Variants in ROR2 observed in about 807,000 individuals in gnomAD.
ROR2 encodes tyrosine-protein kinase transmembrane receptor ROR2.
In ROR2, 33 loss-of-function variants were observed where a neutral mutation model predicts 74.9. The observed-to-expected ratio is 0.44, with a 90% CI of 0.33 to 0.59. The LOEUF is 0.59. ROR2 is among the 20% of genes least tolerant of loss of function. ROR2 has a pLI of 0.02. For synonymous variants in ROR2, 586 were observed against 558.7 expected, an observed-to-expected ratio of 1.05 and a Z score of -0.69; for missense variants, 1,216 against 1,313.8, an observed-to-expected ratio of 0.93 and a Z score of 1.15.
intron 7 of ROR2, among the ~76,000 whole-genome samples, chr9:91,728,382 T>A (rs983255435): frequency 7.2e-5 from 11 of 152,150 alleles, no homozygotes; most frequent in Non-Finnish European, 1.3e-4. Context: ...TTTTCTTAAT[T>A]CGAATGTTGA....
intron 1 of ROR2, among the ~76,000 whole-genome samples, chr9:91,802,872 T>C (rs556836301): frequency 6.6e-6 from 1 of 152,028 alleles, no homozygotes; most frequent in East Asian, 1.9e-4. Context: ...AACCACAAAA[T>C]GGGCAACAAA....
intron 1 of ROR2, among the ~76,000 whole-genome samples, chr9:91,785,400 T>G (rs1826764587): frequency 1.3e-5 from 2 of 152,246 alleles, no homozygotes; most frequent in Non-Finnish European, 2.9e-5. Context: ...GCTGTATTTC[T>G]TTCCAGAGCA....
At chr9:91,821,443 G>A (rs1230999516) in intron 1 of ROR2, among the ~76,000 whole-genome samples, 2 of 151,992 alleles carry the variant, frequency 1.3e-5, no homozygotes, top group African/African-American at 2.4e-5. Context: ...ACCCTTCCTG[G>A]TGGTCTCCTT....
chr9:91,887,316 C>T (rs1830310305), intron 1 of ROR2: 1 of 152,226 alleles, frequency 6.6e-6, no homozygotes, highest in Non-Finnish European at 1.5e-5. Context: ...TCGAGCCCCC[C>T]TCCAATGGCA....
chr9:91,736,903 C>T (rs1825047701), intron 5 of ROR2, among the ~76,000 whole-genome samples: 1 of 152,178 alleles, frequency 6.6e-6, no homozygotes. Context: ...ACTGCAGCAT[C>T]CCTACCACTG....
At chr9:91,857,653 G>T (rs1327053447) in intron 1 of ROR2, among the ~76,000 whole-genome samples, 1 of 152,094 alleles carries the variant, frequency 6.6e-6, no homozygotes. Flanking sequence ...TGGCAAGCCC[G>T]GAGGCAGGCC....
chr9:91,769,469 C>A (rs1361227495), intron 2 of ROR2, among the ~76,000 whole-genome samples: 2 of 152,174 alleles, frequency 1.3e-5, no homozygotes, highest in Admixed American at 6.5e-5. Context: ...GCACGCAGGG[C>A]ATGTGGGACA....
At chr9:91,908,451 C>T (rs1830873412) in intron 1 of ROR2, among the ~76,000 whole-genome samples, 1 of 152,358 alleles carries the variant, frequency 6.6e-6, no homozygotes. Flanking sequence ...AAACACCCAT[C>T]TAGCACTTTC....
chr9:91,916,330 G>A (rs1831133714), intron 1 of ROR2, among the ~76,000 whole-genome samples: 1 of 146,290 alleles, frequency 6.8e-6, no homozygotes, highest in Non-Finnish European at 1.5e-5. Flanking sequence ...TTTTGTTCAG[G>A]TGATGCTCCC....
At chr9:91,750,581 G>C (rs765455630) in intron 4 of ROR2, among the ~76,000 whole-genome samples, 1 of 152,124 alleles carries the variant, frequency 6.6e-6, no homozygotes. Context: ...CCAACAGAAA[G>C]CACACAAATA....
chr9:91,923,253 G>T (rs1010853695), intron 1 of ROR2, among the ~76,000 whole-genome samples: 6 of 152,252 alleles, frequency 3.9e-5, no homozygotes, highest in Admixed American at 1.3e-4. Flanking sequence ...TTGCTGTGAA[G>T]AGGGAGAGTG....
chr9:91,763,833 T>A (rs1825984413), intron 2 of ROR2, among the ~76,000 whole-genome samples: 3 of 152,262 alleles, frequency 2.0e-5, no homozygotes, highest in Admixed American at 6.5e-5. Context: ...TAAAGTGTGC[T>A]TTAATTGCAC....
chr9:91,929,345 G>A (rs76684062), intron 1 of ROR2, among the ~76,000 whole-genome samples: 8,332 of 152,286 alleles, frequency 0.055, 486 homozygotes, highest in East Asian at 0.22. Flanking sequence ...CGCAGCCACA[G>A]AGGAAAATTT....
intron 1 of ROR2, among the ~76,000 whole-genome samples, chr9:91,813,220 C>T (rs575514182): frequency 1.3e-5 from 2 of 152,246 alleles, no homozygotes; most frequent in East Asian, 3.9e-4. Context: ...GACAAAAAAA[C>T]ACATAAACGA....
At chr9:91,737,355 G>A in intron 5 of ROR2, 36 bp downstream of exon 5, 1 of 1,613,804 alleles carries the variant, frequency 6.2e-7, no homozygotes, top group Non-Finnish European at 8.5e-7. Context: ...CTGTGTGCAT[G>A]CTTATCATCC....
chr9:91,775,112 A>G (rs1277308482), intron 2 of ROR2, among the ~76,000 whole-genome samples: 2 of 152,186 alleles, frequency 1.3e-5, no homozygotes, highest in African/African-American at 4.8e-5. Context: ...CTCCAGAACT[A>G]GGAAGTGTGT....
At chr9:91,731,298 G>T in intron 6 of ROR2, 143 bp from the exon 7 acceptor site, 2 of 1,180,438 alleles carry the variant, frequency 1.7e-6, no homozygotes, top group Non-Finnish European at 2.5e-6. Flanking sequence ...ATGGCTTAAT[G>T]AAGTCCCAAG....
intron 7 of ROR2, among the ~76,000 whole-genome samples, chr9:91,727,404 T>TG (rs1397546871): frequency 6.6e-6 from 1 of 150,716 alleles, no homozygotes; most frequent in East Asian, 1.9e-4. Flanking sequence ...TCCCTGCATT[T>TG]TTTTTTTTTT....
chr9:91,734,719 G>C (rs1824963236), intron 5 of ROR2, among the ~76,000 whole-genome samples: 1 of 152,168 alleles, frequency 6.6e-6, no homozygotes, highest in South Asian at 2.1e-4. Context: ...CCCCACACTG[G>C]GGAATGAGAG....
Sources: gnomAD v4.1 joint callset for allele counts (sites outside exome capture counted in the v4.1 genomes callset) on GRCh38, gnomAD v4.1.1 for gene constraint, MANE v1.5 for transcripts, NCBI Gene and HGNC (gene_info 2026-07-23, HGNC 2026-07-21) for gene names.